CXCL13: variants seen among roughly 807,000 people sequenced by gnomAD.
The protein encoded by CXCL13 is C-X-C motif chemokine ligand 13.
In CXCL13, 7 loss-of-function variants were observed where a neutral mutation model predicts 12.2. That is an observed-to-expected ratio of 0.57 (90% CI 0.33 to 1.07). The LOEUF is 1.07. Among genes scored for constraint, CXCL13 ranks in the 50% least tolerant of loss-of-function variants. The probability of loss-of-function intolerance (pLI) is 0.04; values close to 1 mark genes in which losing one functional copy is unlikely to be tolerated. For synonymous variants in CXCL13, 47 were observed against 42.4 expected (o/e 1.11, Z -0.42); for missense variants, 113 against 127.4 (o/e 0.89, Z 0.55).
chr4:77,542,528 C>T (rs770663852), intron 1 of CXCL13, among the ~76,000 whole-genome samples: 1 of 152,160 alleles, frequency 6.6e-6, no homozygotes, highest in Non-Finnish European at 1.5e-5. Context: ...AATCCACTCT[C>T]ATGATCCAAT....
chr4:77,546,453 A>C (rs1280222779), intron 1 of CXCL13, among the ~76,000 whole-genome samples: 1 of 152,080 alleles, frequency 6.6e-6, no homozygotes. Flanking sequence ...CAGGGATTCA[A>C]CTTCTTCCTG....
intron 1 of CXCL13, among the ~76,000 whole-genome samples, chr4:77,535,885 C>A (rs565721792): frequency 1.3e-5 from 2 of 152,304 alleles, no homozygotes; most frequent in East Asian, 3.9e-4. Context: ...GACAAGCCAT[C>A]CTCACTATGC....
At chr4:77,588,477 A>C (rs559603465) in intron 1 of CXCL13, among the ~76,000 whole-genome samples, 4 of 152,336 alleles carry the variant, frequency 2.6e-5, no homozygotes, top group African/African-American at 9.6e-5. Context: ...GTGTCAGCTT[A>C]GTTGTTCCTC....
chr4:77,552,398 T>C (rs1160175053), intron 1 of CXCL13, among the ~76,000 whole-genome samples: 2 of 152,230 alleles, frequency 1.3e-5, no homozygotes, highest in Non-Finnish European at 1.5e-5. Context: ...GGTTTTATTT[T>C]ACTCTGTGCA....
rs1048612702 is a variant in CXCL13, at chr4:77,587,016, G to A, written c.-42-18808G>A. On this transcript the variant is annotated intron_variant, in intron 1 of 4. Coordinates refer to the CXCL13 transcript ENST00000286758. ...AGTGACAGATGGTGTGAAACCACAC[G>A]GTAGCTTGGCAGTATGGGGCGGCTG... is the stretch of plus-strand genomic sequence containing the variant. 8.5e-5 allele frequency among the ~76,000 whole-genome samples: 13 copies of A among 152,176 alleles called. No homozygotes were observed. In the East Asian group the frequency reaches 9.6e-4, roughly 11 times the overall value.
intron 1 of CXCL13, among the ~76,000 whole-genome samples, chr4:77,529,034 G>A (rs1214579305): frequency 6.6e-6 from 1 of 152,166 alleles, no homozygotes; most frequent in Non-Finnish European, 1.5e-5. Context: ...ATTAAATAGG[G>A]AATCCTTTCC....
At chr4:77,539,594 G>T (rs932419262) in intron 1 of CXCL13, among the ~76,000 whole-genome samples, 3 of 152,196 alleles carry the variant, frequency 2.0e-5, no homozygotes, top group African/African-American at 7.2e-5. Context: ...ATGCTCACTT[G>T]AGGCATTCTT....
intron 1 of CXCL13, among the ~76,000 whole-genome samples, chr4:77,599,726 T>C (rs139123931): frequency 6.6e-6 from 1 of 152,230 alleles, no homozygotes; most frequent in African/African-American, 2.4e-5. Flanking sequence ...ACACAGGGGA[T>C]AGTGGGAAGC....
At chr4:77,577,626 A>C (rs1398364019) in intron 1 of CXCL13, among the ~76,000 whole-genome samples, 3 of 152,200 alleles carry the variant, frequency 2.0e-5, no homozygotes, top group African/African-American at 7.2e-5. Flanking sequence ...GTCAGAGTGG[A>C]TATTCCCACC....
intron 1 of CXCL13, among the ~76,000 whole-genome samples, chr4:77,570,857 C>T (rs183164340): frequency 0.017 from 2,569 of 152,080 alleles, 128 homozygotes; most frequent in African/African-American, 0.058. Flanking sequence ...GCCAGCCCAC[C>T]GGTGCTGCGC....
rs142477193 is a variant in CXCL13 at position 77,529,657 on chromosome 4, G to A, written c.-43+17869G>A. Among the ~76,000 whole-genome samples, 1,036 of 152,208 alleles carry A rather than the reference G, an allele frequency of 6.8e-3. 17 individuals are homozygous for A. The highest frequency in any genetic ancestry group is 0.024 in the African/African-American group (989 of 41,530). On this transcript the variant is annotated intron_variant, in intron 1 of 4. Transcript: ENST00000286758. The stretch of plus-strand genomic sequence containing the variant: ...TGAGACTTTGCTGAAGTTGCCTATC[G>A]GCTTAAGGAGATTTTGGGCAGCGAC...
At chr4:77,578,587 A>G (rs1726246792) in intron 1 of CXCL13, among the ~76,000 whole-genome samples, 1 of 152,074 alleles carries the variant, frequency 6.6e-6, no homozygotes, top group Admixed American at 6.5e-5. Flanking sequence ...TGACCTCTTC[A>G]GGTCATGTGT....
At chr4:77,555,379 G>T (rs1047671728) in intron 1 of CXCL13, among the ~76,000 whole-genome samples, 4 of 151,960 alleles carry the variant, frequency 2.6e-5, no homozygotes, top group Non-Finnish European at 5.9e-5. Flanking sequence ...TAATAGCACT[G>T]TATTTATTAA....
chr4:77,594,669 A>G (rs112150780), intron 1 of CXCL13, among the ~76,000 whole-genome samples: 7 of 151,848 alleles, frequency 4.6e-5, no homozygotes, highest in African/African-American at 1.2e-4. Context: ...GTCCACATTC[A>G]ACAACCTCAT....
intron 1 of CXCL13, among the ~76,000 whole-genome samples, chr4:77,518,323 C>G (rs922966069): frequency 1.3e-5 from 2 of 152,068 alleles, no homozygotes; most frequent in South Asian, 4.2e-4. Flanking sequence ...CTGTATTTCC[C>G]TAATCTGAAT....
chr4:77,518,226 C>G (rs933763942), intron 1 of CXCL13, among the ~76,000 whole-genome samples: 4 of 152,186 alleles, frequency 2.6e-5, no homozygotes, highest in African/African-American at 7.2e-5. Context: ...CTGCCCTTAA[C>G]ATTTTTTCCT....
intron 1 of CXCL13, among the ~76,000 whole-genome samples, chr4:77,578,582 T>G (rs1019071441): frequency 2.6e-5 from 4 of 152,114 alleles, no homozygotes; most frequent in Admixed American, 2.6e-4. Flanking sequence ...GAGTCTGACC[T>G]CTTCAGGTCA....
chr4:77,584,754 G>A (rs1726413361), intron 1 of CXCL13, among the ~76,000 whole-genome samples: 1 of 152,206 alleles, frequency 6.6e-6, no homozygotes, highest in Non-Finnish European at 1.5e-5. Flanking sequence ...AAAAAAGCTG[G>A]AAAGTCCAGT....
At chr4:77,523,192 G>T (rs1037293836) in intron 1 of CXCL13, among the ~76,000 whole-genome samples, 1 of 152,058 alleles carries the variant, frequency 6.6e-6, no homozygotes, top group Non-Finnish European at 1.5e-5. Flanking sequence ...TTGTCTTGGG[G>T]TTGCTTTTCT....
Sources: gnomAD v4.1 joint callset for allele counts (sites outside exome capture counted in the v4.1 genomes callset) on GRCh38, gnomAD v4.1.1 for gene constraint, MANE v1.5 for transcripts, NCBI Gene and HGNC (gene_info 2026-07-23, HGNC 2026-07-21) for gene names.